KLHDC10: variants seen among roughly 807,000 people sequenced by gnomAD.
The protein encoded by KLHDC10 is kelch domain-containing protein 10.
Under a neutral mutation model 56.1 loss-of-function variants are expected in KLHDC10, and 24 were observed. The observed-to-expected ratio is 0.43, with a 90% CI of 0.31 to 0.60. The LOEUF (loss-of-function observed/expected upper bound fraction) is 0.60. KLHDC10 is among the 20% of genes least tolerant of loss of function. The pLI, the probability that KLHDC10 is intolerant of heterozygous loss-of-function variation, is 0.11. For synonymous variants in KLHDC10, 188 were observed against 207.1 expected (o/e 0.91, Z 0.79); for missense variants, 349 against 567.0 (o/e 0.62, Z 3.91).
rs1796414765 is a variant in KLHDC10, at chr7:130,132,473, C to G, written c.*1727C>G. 6.6e-6 allele frequency: 1 copy of G among 152,164 alleles called. No individual in the cohort carries two copies. The highest frequency in any genetic ancestry group is 2.1e-4 in the South Asian group (1 of 4,832). The allele number at this position is 152,164 out of a possible 1,614,324, so 9.4% of individuals were successfully genotyped here. ...ATTTCTAGGCCTTATCATACCATCC[C>G]CTCTGTGATGGGTTGAGTTCATGGA... On this transcript the variant is annotated 3_prime_UTR_variant, in exon 10 of 10. Transcript: ENST00000335420.
chr7:130,111,747 A>G (rs1344224222), intron 2 of KLHDC10, among the ~76,000 whole-genome samples: 2 of 152,140 alleles, frequency 1.3e-5, no homozygotes, highest in African/African-American at 4.8e-5. Context: ...AAAATTACAC[A>G]ATGGTGAGAA....
chr7:130,106,496 TC>T (rs1796010043), intron 2 of KLHDC10, among the ~76,000 whole-genome samples: 1 of 152,096 alleles, frequency 6.6e-6, no homozygotes. Flanking sequence ...AAATAAGAAA[TC>T]AAGATCAAAT....
intron 5 of KLHDC10, among the ~76,000 whole-genome samples, chr7:130,123,190 C>T (rs1796273582): frequency 6.6e-6 from 1 of 152,190 alleles, no homozygotes; most frequent in Admixed American, 6.5e-5. Flanking sequence ...GAATTAAACT[C>T]ACTGTGGCTG....
At chr7:130,107,565 C>T (rs1011636396) in intron 2 of KLHDC10, among the ~76,000 whole-genome samples, 7 of 151,796 alleles carry the variant, frequency 4.6e-5, no homozygotes, top group South Asian at 4.2e-4. Context: ...GCTGGGCGAC[C>T]AGGTGCCATG....
At position 130,120,733 on chromosome 7, in the gene KLHDC10, G is replaced by A. The variant is rs1415019575; in HGVS notation, c.476-16G>A. On this transcript the variant is annotated splice_polypyrimidine_tract_variant and intron_variant, in intron 3 of 9. Coordinates refer to ENST00000335420, the MANE Select transcript of KLHDC10 (RefSeq NM_014997.4). This position sits in a 1 kb window ranked among gnomAD's most constrained non-coding sequence, Gnocchi z 5.1. ...GTAGCCATTTGTGAACAGAACTTGTGCTTCTCCTTCCTCAGTTGTGCTGCA... is the reference window on the plus strand; with the variant it reads ...GTAGCCATTTGTGAACAGAACTTGTACTTCTCCTTCCTCAGTTGTGCTGCA... The A allele has an allele frequency of 2.5e-6, 4 of 1,613,138 alleles. No individual in the cohort carries two copies. The Admixed American group carries it at 5.0e-5, about 20-fold the overall frequency.
intron 2 of KLHDC10, among the ~76,000 whole-genome samples, chr7:130,103,261 T>TA (rs2116879951): frequency 6.6e-6 from 1 of 152,062 alleles, no homozygotes; most frequent in South Asian, 2.1e-4. Flanking sequence ...CTGTCTCTGC[T>TA]AAAAATACAA....
intron 2 of KLHDC10, among the ~76,000 whole-genome samples, chr7:130,102,573 G>A (rs1347283503): frequency 6.6e-6 from 1 of 152,160 alleles, no homozygotes; most frequent in Non-Finnish European, 1.5e-5. Flanking sequence ...TCTAATACCA[G>A]CACTTTGGGA....
intron 1 of KLHDC10, among the ~76,000 whole-genome samples, chr7:130,085,241 G>A (rs1308615259): frequency 1.3e-5 from 2 of 150,228 alleles, no homozygotes; most frequent in Non-Finnish European, 3.0e-5. Context: ...GCTGAGGCAG[G>A]AGAATTGCTT....
chr7:130,109,210 C>G (rs536948910), intron 2 of KLHDC10, among the ~76,000 whole-genome samples: 3 of 83,800 alleles, frequency 3.6e-5, no homozygotes, highest in East Asian at 3.2e-4. Context: ...CCCAGCAGGT[C>G]TCTTTTTTTT....
At chr7:130,097,793 C>T (rs1038771339) in intron 2 of KLHDC10, among the ~76,000 whole-genome samples, 1 of 151,956 alleles carries the variant, frequency 6.6e-6, no homozygotes, top group Non-Finnish European at 1.5e-5. Flanking sequence ...ATATTCATAC[C>T]CTTTGACCTA....
intron 2 of KLHDC10, among the ~76,000 whole-genome samples, chr7:130,100,142 A>T (rs1795910321): frequency 6.6e-6 from 1 of 152,012 alleles, no homozygotes; most frequent in African/African-American, 2.4e-5. Context: ...GATTTGACAT[A>T]TAAGGAAGTG....
chr7:130,125,482 G>A (rs1796302233), intron 6 of KLHDC10, among the ~76,000 whole-genome samples: 1 of 152,106 alleles, frequency 6.6e-6, no homozygotes, highest in Non-Finnish European at 1.5e-5. Context: ...GGTAGAGGCT[G>A]CAGTGAGCCA....
intron 2 of KLHDC10, among the ~76,000 whole-genome samples, chr7:130,111,072 A>G (rs1335440457): frequency 1.3e-5 from 2 of 152,212 alleles, no homozygotes; most frequent in Non-Finnish European, 2.9e-5. Context: ...AGTATATGGT[A>G]AAGGTGGCAT....
chr7:130,092,001 C>T (rs1028126088), intron 1 of KLHDC10, among the ~76,000 whole-genome samples: 1 of 152,026 alleles, frequency 6.6e-6, no homozygotes, highest in Non-Finnish European at 1.5e-5. Context: ...TCCAAGTGTC[C>T]CAGGACAATT....
rs191903294 is a variant in KLHDC10, at chr7:130,080,875, T to C, written c.166+10066T>C. The stretch of plus-strand genomic sequence containing the variant: ...AATTATTTCCTGGATTTGCAACTAC[T>C]CATTATCATTTCTTATTTTGTATTA... On this transcript the variant is annotated intron_variant, in intron 1 of 9. Transcript: ENST00000335420. 2.7e-3 allele frequency among the ~76,000 whole-genome samples: 405 copies of C among 152,370 alleles called. 4 individuals are homozygous for C. Among genetic ancestry groups the C allele is most frequent in the African/African-American group, 5.4e-3 (225 of 41,594 alleles).
chr7:130,078,194 C>G (rs1023725494), intron 1 of KLHDC10, among the ~76,000 whole-genome samples: 6 of 151,410 alleles, frequency 4.0e-5, no homozygotes, highest in Non-Finnish European at 5.9e-5. Flanking sequence ...ATGGTGAAAC[C>G]CCGTCTCTAC....
intron 1 of KLHDC10, among the ~76,000 whole-genome samples, chr7:130,090,607 G>C (rs1403710558): frequency 6.6e-6 from 1 of 151,516 alleles, no homozygotes; most frequent in African/African-American, 2.4e-5. Flanking sequence ...AAAAAAAAGA[G>C]AGAAGGGAAG....
Position 130,133,358 on chromosome 7 carries a change from C to G in KLHDC10, c.*2612C>G, listed in dbSNP as rs1264277361. On this transcript the variant is annotated 3_prime_UTR_variant, in exon 10 of 10. Coordinates refer to ENST00000335420, the MANE Select transcript of KLHDC10 (RefSeq NM_014997.4). ...CTTTGAGGTACTCCCAGCCGTCTTA[C>G]TACAGTCCTGTAAATTTAAGTGCAA... 1.3e-5 allele frequency: 2 copies of G among 152,186 alleles called. No individual in the cohort carries two copies. The highest frequency in any genetic ancestry group is 4.8e-5 in the African/African-American group (2 of 41,438). 9.4% of individuals were successfully genotyped at this position (152,186 alleles called of 1,614,324 possible). A position where few individuals can be genotyped will look rare whatever the true frequency, so the allele number is the denominator to read the frequency against.
At chr7:130,096,022 C>T (rs1246641380) in intron 1 of KLHDC10, among the ~76,000 whole-genome samples, 1 of 152,156 alleles carries the variant, frequency 6.6e-6, no homozygotes, top group Non-Finnish European at 1.5e-5. Flanking sequence ...GGAATCATGT[C>T]CTTGTTTTGC....
Sources: allele counts gnomAD v4.1 joint callset (sites outside exome capture counted in the v4.1 genomes callset), GRCh38; gene constraint gnomAD v4.1.1; non-coding constraint Gnocchi (gnomAD v3.1); transcripts MANE v1.5; gene names NCBI Gene and HGNC (gene_info 2026-07-23, HGNC 2026-07-21).